The following PI4K2A variants were observed in gnomAD, a reference collection of about 807,000 sequenced individuals.
PI4K2A encodes phosphatidylinositol 4-kinase type 2 alpha, also known as phosphatidylinositol 4-kinase type 2-alpha.
PI4K2A carries 20 observed loss-of-function variants against 55.0 expected under a neutral mutation model. The ratio of observed to expected loss-of-function variants is 0.36; its 90% confidence interval spans 0.26 to 0.53. The LOEUF is 0.53. PI4K2A is among the 20% of genes least tolerant of loss of function. The probability of loss-of-function intolerance (pLI) is 0.91; values close to 1 mark genes in which losing one functional copy is unlikely to be tolerated. For synonymous variants in PI4K2A, 235 were observed against 258.5 expected (o/e 0.91, Z 0.87); for missense variants, 463 against 637.1 (o/e 0.73, Z 2.94).
At chr10:97,652,415 C>T (rs1589933539) in intron 2 of PI4K2A, among the ~76,000 whole-genome samples, 1 of 152,210 alleles carries the variant, frequency 6.6e-6, no homozygotes. Flanking sequence ...CCCACCTCAG[C>T]CTCTCAGGTT....
chr10:97,642,401 T>C (rs2041474489), intron 1 of PI4K2A, among the ~76,000 whole-genome samples: 1 of 150,810 alleles, frequency 6.6e-6, no homozygotes, highest in African/African-American at 2.4e-5. Flanking sequence ...CTTTTTCTTT[T>C]TTTTTTTCTT....
At position 97,666,981 on chromosome 10, in the gene PI4K2A, A is replaced by C. The variant is rs2041612610; in HGVS notation, c.1219-80A>C. 3 of 1,112,946 alleles carry C rather than the reference A, an allele frequency of 2.7e-6. No homozygotes were observed. In the Admixed American group the frequency reaches 5.9e-5, roughly 22 times the overall value. The allele number at this position is 1,112,946 out of a possible 1,614,324, so 68.9% of individuals were successfully genotyped here. The stretch of plus-strand genomic sequence containing the variant: ...GCCTTATGCAGGTTTTCCTTCTTAG[A>C]AAGTTTCTAACTGGGGGAGAAAATG... On this transcript the variant is annotated intron_variant, in intron 7 of 8. Coordinates refer to ENST00000370631, the Ensembl canonical transcript of PI4K2A.
intron 2 of PI4K2A, among the ~76,000 whole-genome samples, chr10:97,654,796 G>A (rs1391945553): frequency 3.1e-5 from 4 of 128,608 alleles, no homozygotes; most frequent in Non-Finnish European, 6.4e-5. Context: ...TTACAATTAC[G>A]TCACTGCAAT....
At chr10:97,675,912 C>G (rs746474042) in exon 9 of PI4K2A, 7 of 152,664 alleles carry the variant, frequency 4.6e-5, no homozygotes, top group Non-Finnish European at 7.3e-5. Context: ...CAGCCATAGG[C>G]CCTGCCTCCA....
exon 8 of PI4K2A, chr10:97,667,079 A>G: frequency 3.1e-6 from 5 of 1,613,744 alleles, no homozygotes; most frequent in Non-Finnish European, 1.7e-6. Flanking sequence ...TGGTTTCGAC[A>G]GGGGCCAGTT....
chr10:97,657,053 G>T, intron 4 of PI4K2A, 79 bp downstream of exon 4: 1 of 1,421,322 alleles, frequency 7.0e-7, no homozygotes, highest in South Asian at 1.2e-5. Flanking sequence ...TGCAGGGCTT[G>T]GGAGTCAGAG....
chr10:97,648,234 A>G (rs1247923857), intron 1 of PI4K2A, among the ~76,000 whole-genome samples: 3 of 151,710 alleles, frequency 2.0e-5, no homozygotes, highest in Non-Finnish European at 4.4e-5. Flanking sequence ...CTGGGACTAC[A>G]GGCATGTGCC....
chr10:97,661,022 C>T (rs922080528), intron 4 of PI4K2A, among the ~76,000 whole-genome samples: 1 of 151,642 alleles, frequency 6.6e-6, no homozygotes, highest in African/African-American at 2.4e-5. Context: ...GACGGAGTCT[C>T]ACTCTGTTGC....
intron 8 of PI4K2A, among the ~76,000 whole-genome samples, chr10:97,669,415 C>T (rs1041580555): frequency 6.6e-6 from 1 of 152,140 alleles, no homozygotes; most frequent in African/African-American, 2.4e-5. Flanking sequence ...AGCTCAGTCC[C>T]TTGCCAACCC....
chr10:97,673,831 G>C, exon 9 of PI4K2A: 1 of 1,250,468 alleles, frequency 8.0e-7, no homozygotes, highest in Non-Finnish European at 1.1e-6. Context: ...GAAGCCGGTG[G>C]AGAGCAGCAC....
At chr10:97,675,062 AGG>A (rs1362450518) in exon 9 of PI4K2A, 1 of 152,624 alleles carries the variant, frequency 6.6e-6, no homozygotes, top group Non-Finnish European at 1.5e-5. Context: ...CGGCCTCAGG[AGG>A]GAGTAAAAAG....
chr10:97,674,630 C>A (rs1284584549), exon 9 of PI4K2A: 2 of 152,214 alleles, frequency 1.3e-5, no homozygotes, highest in Non-Finnish European at 2.9e-5. Flanking sequence ...TGGTCCCAAT[C>A]TTCTCATTTG....
chr10:97,666,570 A>C, exon 7 of PI4K2A: 1 of 1,608,242 alleles, frequency 6.2e-7, no homozygotes, highest in African/African-American at 1.3e-5. Context: ...GAACTCTTCA[A>C]GGTTAGCCCT....
At chr10:97,649,159 T>C (rs2041518660) in intron 1 of PI4K2A, among the ~76,000 whole-genome samples, 1 of 152,204 alleles carries the variant, frequency 6.6e-6, no homozygotes, top group African/African-American at 2.4e-5. Context: ...AAATATCTTA[T>C]GACCCAGACT....
Position 97,657,282 on chromosome 10 carries a change from T to C in PI4K2A, c.922+308T>C, listed in dbSNP as rs537276816. Among the ~76,000 whole-genome samples, 70 of 152,326 alleles carry C rather than the reference T, an allele frequency of 4.6e-4. 1 individual carries two copies. In the South Asian group the frequency reaches 5.6e-3, roughly 12 times the overall value. ...TCTTCCTCTGACTTCTTGAGGTAGA[T>C]GTTTAGATCATTGATATTTAAAAAA... is the stretch of plus-strand genomic sequence containing the variant. On this transcript the variant is annotated intron_variant, in intron 4 of 8. Coordinates refer to ENST00000370631, the Ensembl canonical transcript of PI4K2A.
Position 97,656,422 on chromosome 10 carries a change from G to A in PI4K2A, c.768+6G>A, listed in dbSNP as rs1236678914. ...GCATCGGGCTACCACCAAAGGTATA[G>A]ACGCACCTCTGGCTTATCAAGGGTC... On this transcript the variant is annotated splice_donor_region_variant and intron_variant, in intron 3 of 8. Coordinates refer to ENST00000370631, the Ensembl canonical transcript of PI4K2A. The surrounding 1 kb of genome is among the most constrained non-coding windows in gnomAD (Gnocchi z 4.5). The A allele has an allele frequency of 5.0e-6, 8 of 1,613,432 alleles. No homozygotes were observed. The highest frequency in any genetic ancestry group is 5.9e-6 in the Non-Finnish European group (7 of 1,179,662).
At chr10:97,651,552 A>G (rs1363031228) in intron 2 of PI4K2A, among the ~76,000 whole-genome samples, 1 of 152,162 alleles carries the variant, frequency 6.6e-6, no homozygotes, top group East Asian at 1.9e-4. Flanking sequence ...TCTGACAAGG[A>G]AGACTTTAGG....
chr10:97,642,853 T>G (rs1436619902), intron 1 of PI4K2A, among the ~76,000 whole-genome samples: 119 of 9,416 alleles, frequency 0.013, 18 homozygotes, highest in South Asian at 0.034. Flanking sequence ...CTTCCTTCCT[T>G]TCTTTCTTTC....
intron 2 of PI4K2A, among the ~76,000 whole-genome samples, chr10:97,655,342 C>T (rs1014134327): frequency 6.8e-6 from 1 of 146,350 alleles, no homozygotes; most frequent in African/African-American, 2.5e-5. Flanking sequence ...TGCACTCCAG[C>T]CTGGGCAACA....
Sources: gnomAD v4.1 joint callset for allele counts (sites outside exome capture counted in the v4.1 genomes callset) on GRCh38, gnomAD v4.1.1 for gene constraint, Gnocchi (gnomAD v3.1) non-coding constraint, MANE v1.5 for transcripts, NCBI Gene and HGNC (gene_info 2026-07-23, HGNC 2026-07-21) for gene names.